Variants in RNF144A observed in about 807,000 individuals in gnomAD.
RNF144A encodes the protein ring finger protein 144A.
RNF144A carries 11 observed loss-of-function variants against 38.7 expected under a neutral mutation model. The ratio of observed to expected loss-of-function variants is 0.28; its 90% CI spans 0.18 to 0.47. The LOEUF is 0.47. Among genes scored for constraint, RNF144A ranks in the 20% least tolerant of loss-of-function variants. The pLI, the probability that RNF144A is intolerant of heterozygous loss-of-function variation, is 0.99. For missense variants in RNF144A, 316 were observed against 377.2 expected (o/e 0.84, Z 1.34); for synonymous variants, 149 against 143.9 (o/e 1.04, Z -0.25).
intron 2 of RNF144A, among the ~76,000 whole-genome samples, chr2:6,977,612 T>G (rs1241824268): frequency 1.3e-5 from 2 of 152,262 alleles, no homozygotes; most frequent in Admixed American, 1.3e-4. Flanking sequence ...AAACTTCTGG[T>G]GCAGGAGAAG....
intron 2 of RNF144A, among the ~76,000 whole-genome samples, chr2:6,990,509 T>C (rs1669282945): frequency 7.6e-6 from 1 of 132,226 alleles, no homozygotes; most frequent in Admixed American, 7.9e-5. Flanking sequence ...ATATAATATA[T>C]GATATAACAT....
chr2:6,954,303 A>G (rs747165753), intron 2 of RNF144A, among the ~76,000 whole-genome samples: 2 of 151,710 alleles, frequency 1.3e-5, no homozygotes, highest in Non-Finnish European at 2.9e-5. Context: ...GAAGTTATAC[A>G]TTCTGTTTCT....
At position 7,024,527 on chromosome 2, in the gene RNF144A, C is replaced by T; in HGVS notation, c.657+11C>T. 1.3e-6 allele frequency: 2 copies of T among 1,592,614 alleles called. No homozygotes were observed. Among genetic ancestry groups the T allele is most frequent in the Non-Finnish European group, 1.7e-6 (2 of 1,162,440 alleles). On this transcript the variant is annotated intron_variant, in intron 7 of 8. Transcript: ENST00000320892. The stretch of plus-strand genomic sequence containing the variant: ...CTGGAGTCTCTGGACGTGAGTACGG[C>T]CTTCAGCTTCACCTTGCGGCATTTA...
At chr2:7,010,684 C>G (rs886064803) in intron 3 of RNF144A, among the ~76,000 whole-genome samples, 5 of 152,286 alleles carry the variant, frequency 3.3e-5, no homozygotes, top group Non-Finnish European at 5.9e-5. Flanking sequence ...CTGGAACATT[C>G]TGTGGCTTAC....
intron 2 of RNF144A, among the ~76,000 whole-genome samples, chr2:6,992,660 G>C (rs1357065001): frequency 6.6e-6 from 1 of 152,206 alleles, no homozygotes; most frequent in African/African-American, 2.4e-5. Context: ...TGCTTTGAAG[G>C]AGTAAAGGTG....
intron 6 of RNF144A, among the ~76,000 whole-genome samples, chr2:7,061,565 C>T (rs192582422): frequency 6.6e-6 from 1 of 152,244 alleles, no homozygotes; most frequent in Non-Finnish European, 1.5e-5. Flanking sequence ...TATCTGCACA[C>T]ATTTCTACGG....
chr2:7,022,174 G>T (rs1450167734), intron 6 of RNF144A, among the ~76,000 whole-genome samples: 1 of 152,236 alleles, frequency 6.6e-6, no homozygotes, highest in Non-Finnish European at 1.5e-5. Context: ...AACTGAGGCT[G>T]CCTGTCAGCT....
chr2:7,024,282 T>G (rs1558441458), intron 6 of RNF144A, 87 bp from the exon 7 acceptor site: 1 of 1,192,822 alleles, frequency 8.4e-7, no homozygotes, highest in Non-Finnish European at 1.1e-6. Flanking sequence ...GTCTGTGAAG[T>G]GGAGCCGATG....
intron 3 of RNF144A, among the ~76,000 whole-genome samples, chr2:7,002,477 CTA>C (rs1670172586): frequency 6.6e-6 from 1 of 152,190 alleles, no homozygotes; most frequent in Non-Finnish European, 1.5e-5. Flanking sequence ...GGCATTTGAA[CTA>C]TTTCCTTGAG....
chr2:7,000,202 G>T (rs1051426510), intron 3 of RNF144A, among the ~76,000 whole-genome samples: 1 of 152,196 alleles, frequency 6.6e-6, no homozygotes, highest in Admixed American at 6.5e-5. Context: ...GGGATGATGA[G>T]AGCTACCAGA....
chr2:7,039,991 C>G lies in RNF144A; in HGVS notation c.*231C>G. ...GTGGGTAGCGCACATCCCCACAGATCAATCTCTGCAGATGACAGGGAGGTG... is the reference window on the plus strand; with the variant it reads ...GTGGGTAGCGCACATCCCCACAGATGAATCTCTGCAGATGACAGGGAGGTG... On this transcript the variant is annotated 3_prime_UTR_variant, in exon 9 of 9. Coordinates refer to ENST00000320892, the MANE Select transcript of RNF144A (RefSeq NM_014746.6). 1.5e-6 allele frequency: 2 copies of G among 1,312,460 alleles called. No homozygotes were observed. The highest frequency in any genetic ancestry group is 1.9e-6 in the Non-Finnish European group (2 of 1,027,336). 81.3% of individuals were successfully genotyped at this position (1,312,460 alleles called of 1,614,324 possible). A position where few individuals can be genotyped will look rare whatever the true frequency, so the allele number is the denominator to read the frequency against.
intron 2 of RNF144A, among the ~76,000 whole-genome samples, chr2:6,951,226 T>A (rs1476464197): frequency 6.6e-6 from 1 of 152,140 alleles, no homozygotes; most frequent in African/African-American, 2.4e-5. Context: ...CCTTTGTCTC[T>A]ATTTATCTGA....
At chr2:7,018,156 TC>T (rs1671264773) in intron 5 of RNF144A, among the ~76,000 whole-genome samples, 1 of 152,092 alleles carries the variant, frequency 6.6e-6, no homozygotes. Context: ...TGTCAGAAGC[TC>T]CTACTGCACA....
chr2:7,034,521 C>T lies in RNF144A; in HGVS notation c.747+4306C>T, dbSNP rs770736658. Among the ~76,000 whole-genome samples the T allele has an allele frequency of 6.4e-4, 97 of 152,304 alleles. 1 individual carries two copies. Among genetic ancestry groups the T allele is most frequent in the Middle Eastern group, 3.4e-3 (1 of 294 alleles). ...TTCAGGCTTCCGGCATCTCCCCTGC[C>T]CTGTCCTTCCTCCGGGCTGCTACGG... On this transcript the variant is annotated intron_variant, in intron 8 of 8. Transcript: ENST00000320892.
chr2:7,045,093 A>G (rs1206357038), downstream of RNF144A, among the ~76,000 whole-genome samples: 2 of 152,264 alleles, frequency 1.3e-5, no homozygotes, highest in Non-Finnish European at 2.9e-5. Flanking sequence ...CTTGTAGACA[A>G]GTAGGAACTA....
chr2:7,030,396 G>T (rs930515091), intron 8 of RNF144A, among the ~76,000 whole-genome samples, 181 bp downstream of exon 8: 1 of 151,824 alleles, frequency 6.6e-6, no homozygotes, highest in African/African-American at 2.4e-5. Flanking sequence ...GCTGGTTTTT[G>T]CTGGTATAGG....
intron 8 of RNF144A, among the ~76,000 whole-genome samples, chr2:7,038,470 G>A (rs936901680): frequency 1.3e-5 from 2 of 152,230 alleles, no homozygotes; most frequent in Non-Finnish European, 2.9e-5. Context: ...GGGCCAAGAT[G>A]TATGCACCTC....
intron 2 of RNF144A, among the ~76,000 whole-genome samples, chr2:6,994,051 C>T (rs912093917): frequency 6.6e-6 from 1 of 152,138 alleles, no homozygotes; most frequent in Non-Finnish European, 1.5e-5. Context: ...GTGATATCTT[C>T]AACATCAGCA....
Position 7,043,693 on chromosome 2 carries a change from G to C in RNF144A, c.*3933G>C. ...TTGCTAATGCTTCACAACTAGGAGA[G>C]CATGCCGTCTTGATGTTTAAAAAAC... On this transcript the variant is annotated 3_prime_UTR_variant, in exon 9 of 9. Coordinates refer to ENST00000320892, the MANE Select transcript of RNF144A (RefSeq NM_014746.6). 1 of 985,872 alleles carries C rather than the reference G, an allele frequency of 1.0e-6. No homozygotes were observed. Among genetic ancestry groups the C allele is most frequent in the Non-Finnish European group, 1.2e-6 (1 of 829,938 alleles). The allele number at this position is 985,872 out of a possible 1,614,324, so 61.1% of individuals were successfully genotyped here. A position where few individuals can be genotyped will look rare whatever the true frequency, so the allele number is the denominator to read the frequency against.
Sources: allele counts gnomAD v4.1 joint callset (sites outside exome capture counted in the v4.1 genomes callset), GRCh38; gene constraint gnomAD v4.1.1; transcripts MANE v1.5; gene names NCBI Gene and HGNC (gene_info 2026-07-23, HGNC 2026-07-21).